KDM4C: variants seen among roughly 807,000 people sequenced by gnomAD.
The protein encoded by KDM4C is lysine demethylase 4C.
A neutral mutation model predicts 129.3 loss-of-function variants in KDM4C; 81 were observed. The ratio of observed to expected loss-of-function variants is 0.63; its 90% CI spans 0.52 to 0.75. The LOEUF (loss-of-function observed/expected upper bound fraction) is 0.75, where lower values mean the gene tolerates loss of function less well. KDM4C is among the 30% of genes least tolerant of loss of function. The pLI is 0.00. For missense variants in KDM4C, 1,457 were observed against 1,304.0 expected (o/e 1.12, Z -1.81); for synonymous variants, 573 against 456.1 (o/e 1.26, Z -3.26).
intron 17 of KDM4C, among the ~76,000 whole-genome samples, chr9:7,061,036 C>G (rs1159051580): frequency 6.6e-6 from 1 of 152,146 alleles, no homozygotes; most frequent in Non-Finnish European, 1.5e-5. Context: ...CTCTAAAGAG[C>G]TAAATAATAT....
chr9:7,098,515 C>T (rs181383353), intron 17 of KDM4C, among the ~76,000 whole-genome samples: 85 of 152,260 alleles, frequency 5.6e-4, no homozygotes, highest in African/African-American at 1.8e-3. Flanking sequence ...ATGTTATGAC[C>T]AGTTGCCCAA....
intron 14 of KDM4C, among the ~76,000 whole-genome samples, chr9:7,014,550 TTGGATAAG>T (rs1427558639): frequency 1.3e-5 from 2 of 152,160 alleles, no homozygotes; most frequent in Non-Finnish European, 2.9e-5. Context: ...TTTTTAACAA[TTGGATAAG>T]TGGTAAATAT....
chr9:7,047,910 G>C (rs1829637309), intron 16 of KDM4C, among the ~76,000 whole-genome samples: 1 of 151,944 alleles, frequency 6.6e-6, no homozygotes, highest in Non-Finnish European at 1.5e-5. Flanking sequence ...TAGGACTCCT[G>C]GTGTAATGTA....
intron 8 of KDM4C, among the ~76,000 whole-genome samples, chr9:6,947,122 C>G (rs941078192): frequency 6.6e-6 from 1 of 152,102 alleles, no homozygotes. Context: ...TAGGTCCTTC[C>G]CAGTGTAATC....
At chr9:7,089,056 G>T (rs938333418) in intron 17 of KDM4C, among the ~76,000 whole-genome samples, 2 of 152,010 alleles carry the variant, frequency 1.3e-5, no homozygotes, top group Admixed American at 6.5e-5. Context: ...AAATCGAGAT[G>T]AGTTAAAAAA....
chr9:6,936,709 G>A (rs1159820117), intron 8 of KDM4C, among the ~76,000 whole-genome samples: 1 of 152,154 alleles, frequency 6.6e-6, no homozygotes, highest in Non-Finnish European at 1.5e-5. Context: ...ATTTTGGGAG[G>A]TACATAGTGT....
intron 17 of KDM4C, among the ~76,000 whole-genome samples, chr9:7,067,288 T>C (rs1232832272): frequency 6.6e-6 from 1 of 152,258 alleles, no homozygotes; most frequent in Non-Finnish European, 1.5e-5. Context: ...CTTCTTCCTA[T>C]AGCTGTGGTG....
At chr9:6,916,053 T>C (rs1820254293) in intron 8 of KDM4C, among the ~76,000 whole-genome samples, 1 of 152,068 alleles carries the variant, frequency 6.6e-6, no homozygotes, top group Non-Finnish European at 1.5e-5. Flanking sequence ...TTTGACCTGG[T>C]GAAGATTGGA....
intron 8 of KDM4C, among the ~76,000 whole-genome samples, chr9:6,913,212 A>G (rs1819645716): frequency 6.6e-6 from 1 of 152,060 alleles, no homozygotes; most frequent in South Asian, 2.1e-4. Context: ...TAACTTGATT[A>G]TATTTTTCAA....
chr9:7,098,974 TCTG>T (rs1836774007), intron 17 of KDM4C, among the ~76,000 whole-genome samples: 1 of 63,476 alleles, frequency 1.6e-5, no homozygotes, highest in Non-Finnish European at 3.7e-5. Flanking sequence ...GCCTCGATCC[TCTG>T]ACTTGCCTGC....
intron 15 of KDM4C, among the ~76,000 whole-genome samples, chr9:7,028,444 TGA>T (rs1826162531): frequency 6.6e-6 from 1 of 151,632 alleles, no homozygotes; most frequent in Non-Finnish European, 1.5e-5. Context: ...CTACAGTGGG[TGA>T]GCTGGTATCC....
At chr9:7,040,566 A>G (rs1828421056) in intron 15 of KDM4C, among the ~76,000 whole-genome samples, 1 of 151,848 alleles carries the variant, frequency 6.6e-6, no homozygotes, top group Non-Finnish European at 1.5e-5. Context: ...ATTTGTTATG[A>G]TGTGGATCTC....
intron 5 of KDM4C, among the ~76,000 whole-genome samples, chr9:6,858,729 G>A (rs1252040365): frequency 6.6e-6 from 1 of 151,292 alleles, no homozygotes; most frequent in Non-Finnish European, 1.5e-5. Context: ...CCAACATCGT[G>A]TCACTGCACT....
chr9:7,037,299 T>C (rs1188339044), intron 15 of KDM4C, among the ~76,000 whole-genome samples: 1 of 152,190 alleles, frequency 6.6e-6, no homozygotes, highest in Admixed American at 6.5e-5. Flanking sequence ...ATGGATATGC[T>C]ACTAAAATGA....
chr9:7,105,100 A>G (rs1837529462), intron 18 of KDM4C, among the ~76,000 whole-genome samples: 2 of 152,326 alleles, frequency 1.3e-5, no homozygotes, highest in East Asian at 1.9e-4. Flanking sequence ...TAAGAATAGT[A>G]TTATGTATCC....
At chr9:6,849,430 T>C in intron 4 of KDM4C, 77 bp from the exon 5 acceptor site, 1 of 1,244,168 alleles carries the variant, frequency 8.0e-7, no homozygotes, top group East Asian at 2.4e-5. Context: ...TGGTGGATAG[T>C]GGTTTGATTA....
intron 18 of KDM4C, among the ~76,000 whole-genome samples, chr9:7,118,881 A>G (rs1386056045): frequency 6.6e-6 from 1 of 152,154 alleles, no homozygotes; most frequent in African/African-American, 2.4e-5. Flanking sequence ...CTCCTTCCAG[A>G]TGTAAACACA....
At chr9:6,941,521 A>G (rs1825934346) in intron 8 of KDM4C, 1 of 152,098 alleles carries the variant, frequency 6.6e-6, no homozygotes, top group South Asian at 2.1e-4. Context: ...CATAACAACT[A>G]AAAAAAACCA....
intron 8 of KDM4C, chr9:6,941,498 T>C (rs1173775266): frequency 1.3e-5 from 2 of 152,182 alleles, no homozygotes; most frequent in Non-Finnish European, 2.9e-5. Flanking sequence ...GAACATATGA[T>C]AGAATAATGA....
Sources: gnomAD v4.1 joint callset for allele counts (sites outside exome capture counted in the v4.1 genomes callset) on GRCh38, gnomAD v4.1.1 for gene constraint, MANE v1.5 for transcripts, NCBI Gene and HGNC (gene_info 2026-07-23, HGNC 2026-07-21) for gene names.